The following LRRC7 variants were observed in gnomAD, a reference collection of about 807,000 sequenced individuals.
LRRC7 encodes leucine rich repeat containing 7, also known as leucine-rich repeat-containing protein 7.
A neutral mutation model predicts 175.7 loss-of-function variants in LRRC7; 23 were observed. That is an observed-to-expected ratio of 0.13 (90% CI 0.09 to 0.19). LRRC7 has a LOEUF of 0.19. Ranked by LOEUF, LRRC7 falls within the 10% of genes least tolerant of loss-of-function variation. The pLI, the probability that LRRC7 is intolerant of heterozygous loss-of-function variation, is 1.00. For synonymous variants in LRRC7, 685 were observed against 680.9 expected, an observed-to-expected ratio of 1.01 and a Z score of -0.09; for missense variants, 1,354 against 1,904.7, an observed-to-expected ratio of 0.71 and a Z score of 5.38.
At chr1:69,981,101 C>G (rs1364863499) in intron 9 of LRRC7, among the ~76,000 whole-genome samples, 1 of 152,102 alleles carries the variant, frequency 6.6e-6, no homozygotes, top group Admixed American at 6.6e-5. Context: ...AACGCTGCCC[C>G]TTGCCACTTG....
At chr1:69,788,884 T>A (rs946734288) in intron 3 of LRRC7, among the ~76,000 whole-genome samples, 2 of 152,136 alleles carry the variant, frequency 1.3e-5, no homozygotes, top group Non-Finnish European at 2.9e-5. Flanking sequence ...TGCCTGAACA[T>A]GAAAATATAT....
intron 4 of LRRC7, among the ~76,000 whole-genome samples, chr1:69,801,440 T>G (rs1676477102): frequency 6.6e-6 from 1 of 151,792 alleles, no homozygotes; most frequent in Non-Finnish European, 1.5e-5. Flanking sequence ...TGGTTCAATA[T>G]TCGGAGGTTG....
chr1:69,642,911 A>C (rs1275546618), intron 1 of LRRC7, among the ~76,000 whole-genome samples: 6 of 152,128 alleles, frequency 3.9e-5, no homozygotes, highest in Non-Finnish European at 7.4e-5. Flanking sequence ...GTAATTATGA[A>C]GGCTGAGAAG....
At position 70,025,831 on chromosome 1, in the gene LRRC7, AGG is replaced by A. The variant is rs550770075; in HGVS notation, c.1795-2330_1795-2329del. ...TAAGACCTGGAACTTCCTCAATTTAAGGGGGGGGGGGTCCTCTTTCAGAAAAA... is the reference window on the plus strand; with the variant it reads ...TAAGACCTGGAACTTCCTCAATTTAAGGGGGGGGGTCCTCTTTCAGAAAAA... On this transcript the variant is annotated intron_variant, in intron 17 of 26. Coordinates refer to ENST00000651989, the MANE Select transcript of LRRC7 (RefSeq NM_001370785.2). Among the ~76,000 whole-genome samples the A allele has an allele frequency of 2.7e-4, 34 of 124,062 alleles. 1 individual carries two copies. The highest frequency in any genetic ancestry group is 7.2e-4 in the African/African-American group (26 of 36,358). The allele number at this position is 124,062 out of a possible 152,430, so 81.4% of individuals were successfully genotyped here.
chr1:69,894,975 C>T (rs887525057), intron 7 of LRRC7, among the ~76,000 whole-genome samples: 9 of 152,180 alleles, frequency 5.9e-5, no homozygotes, highest in African/African-American at 1.9e-4. Flanking sequence ...ACCTGTAATC[C>T]CAGCACTTTG....
chr1:69,916,060 T>C (rs372626981), intron 7 of LRRC7, among the ~76,000 whole-genome samples: 6 of 8,626 alleles, frequency 7.0e-4, no homozygotes, highest in African/African-American at 1.5e-3. Flanking sequence ...ATTTTATATG[T>C]ATATTTTATA....
At chr1:69,638,842 G>A (rs1653780220) in intron 1 of LRRC7, among the ~76,000 whole-genome samples, 1 of 151,522 alleles carries the variant, frequency 6.6e-6, no homozygotes, top group African/African-American at 2.4e-5. Context: ...TGAACCTCTT[G>A]GGTGAGTTCT....
intron 1 of LRRC7, among the ~76,000 whole-genome samples, chr1:69,576,740 A>C (rs950372410): frequency 1.3e-5 from 2 of 152,196 alleles, no homozygotes; most frequent in Non-Finnish European, 2.9e-5. Flanking sequence ...GTTCTTATTC[A>C]TGCCAGCTTT....
intron 1 of LRRC7, among the ~76,000 whole-genome samples, chr1:69,672,715 A>G (rs940129593): frequency 6.6e-6 from 1 of 152,174 alleles, no homozygotes; most frequent in Non-Finnish European, 1.5e-5. Context: ...CTAGATTTTC[A>G]TGCAGACTTC....
intron 2 of LRRC7, among the ~76,000 whole-genome samples, chr1:69,709,364 C>T (rs1664458585): frequency 6.6e-6 from 1 of 152,140 alleles, no homozygotes; most frequent in Non-Finnish European, 1.5e-5. Context: ...TTATTATGTT[C>T]ACCCATCATT....
Position 69,718,181 on chromosome 1 carries a change from A to AAAGAAAGAAAGAAAGAAAG in LRRC7, c.100+39705_100+39706insGAAAGAAAGAAAGAAAGAA, listed in dbSNP as rs1491074856. ...GAAAGAAAGAAAGAAAGAAGAAAAGAAAAGAAAGAGAGAGAGAAAGAAACA... is the reference window on the plus strand; with the variant it reads ...GAAAGAAAGAAAGAAAGAAGAAAAGAAAGAAAGAAAGAAAGAAAGAAAGAAAGAGAGAGAGAAAGAAACA... On this transcript the variant is annotated intron_variant, in intron 2 of 26. Coordinates refer to ENST00000651989, the MANE Select transcript of LRRC7 (RefSeq NM_001370785.2). Among the ~76,000 whole-genome samples, 29 of 98,430 alleles carry AAAGAAAGAAAGAAAGAAAG rather than the reference A, an allele frequency of 2.9e-4. No homozygotes were observed. In the East Asian group the frequency reaches 5.0e-3, roughly 17 times the overall value. The allele number at this position is 98,430 out of a possible 152,430, so 64.6% of individuals were successfully genotyped here.
At chr1:69,852,200 C>T (rs761899206) in intron 7 of LRRC7, among the ~76,000 whole-genome samples, 1 of 151,822 alleles carries the variant, frequency 6.6e-6, no homozygotes, top group Non-Finnish European at 1.5e-5. Flanking sequence ...TTGTTGTCTA[C>T]GTGTATATCC....
chr1:69,577,778 T>C (rs1259398726), intron 1 of LRRC7, among the ~76,000 whole-genome samples: 1 of 152,218 alleles, frequency 6.6e-6, no homozygotes, highest in Non-Finnish European at 1.5e-5. Context: ...TTTTGGTTAC[T>C]GTAGCCTTGT....
chr1:69,660,030 T>A (rs149035245), intron 1 of LRRC7, among the ~76,000 whole-genome samples: 32 of 152,116 alleles, frequency 2.1e-4, no homozygotes, highest in Admixed American at 2.1e-3. Context: ...TAAAAAATCT[T>A]TTAAAATTCA....
intron 25 of LRRC7, among the ~76,000 whole-genome samples, chr1:70,107,350 A>G (rs1665213446): frequency 6.6e-6 from 1 of 152,222 alleles, no homozygotes; most frequent in African/African-American, 2.4e-5. Context: ...TAACCTATCA[A>G]ATAGAGATAC....
chr1:69,676,007 G>GCACACACA (rs57846147), intron 1 of LRRC7, among the ~76,000 whole-genome samples: 1,534 of 147,534 alleles, frequency 0.01, 31 homozygotes, highest in African/African-American at 0.036. Context: ...ATGAGTGCAT[G>GCACACACA]CACACACACA....
At chr1:69,907,792 G>C (rs1646371504) in intron 7 of LRRC7, among the ~76,000 whole-genome samples, 1 of 152,102 alleles carries the variant, frequency 6.6e-6, no homozygotes, top group Non-Finnish European at 1.5e-5. Flanking sequence ...AGTTAGGGAG[G>C]ATTCCCTCTT....
intron 23 of LRRC7, among the ~76,000 whole-genome samples, chr1:70,064,431 C>T (rs17131171): frequency 3.3e-5 from 5 of 151,762 alleles, no homozygotes; most frequent in East Asian, 1.9e-4. Context: ...TGAAATTGAG[C>T]GATACAGGAT....
rs1275176896 is a variant in LRRC7, at chr1:70,131,165, T to C, written c.*9278T>C. Among the ~76,000 whole-genome samples the C allele has an allele frequency of 3.9e-5, 6 of 152,168 alleles. No homozygotes were observed. The highest frequency in any genetic ancestry group is 1.4e-4 in the African/African-American group (6 of 41,440). On this transcript the variant is annotated 3_prime_UTR_variant, in exon 27 of 27. Transcript: ENST00000651989. ...CAAAACCATGTTACCCCTCCCAAAC[T>C]TTTATAGAGATAGAATCTGGCCTGT...
Sources: gnomAD v4.1 joint callset for allele counts (sites outside exome capture counted in the v4.1 genomes callset) on GRCh38, gnomAD v4.1.1 for gene constraint, MANE v1.5 for transcripts, NCBI Gene and HGNC (gene_info 2026-07-23, HGNC 2026-07-21) for gene names.